Variants in NAA60 observed in about 807,000 individuals in gnomAD.
NAA60 encodes the protein N-alpha-acetyltransferase 60.
NAA60 carries 8 observed loss-of-function variants against 26.1 expected under a neutral mutation model. That is an observed-to-expected ratio of 0.31 (90% confidence interval 0.18 to 0.55). The LOEUF (loss-of-function observed/expected upper bound fraction) is 0.55, where lower values mean the gene tolerates loss of function less well. Ranked by LOEUF, NAA60 falls within the 20% of genes least tolerant of loss-of-function variation. NAA60 has a pLI of 0.93. For missense variants in NAA60, 290 were observed against 311.3 expected (o/e 0.93, Z 0.51); for synonymous variants, 131 against 122.5 (o/e 1.07, Z -0.46).
At chr16:3,468,588 G>T (rs963799270) in intron 2 of NAA60, among the ~76,000 whole-genome samples, 1 of 152,208 alleles carries the variant, frequency 6.6e-6, no homozygotes, top group Non-Finnish European at 1.5e-5. Flanking sequence ...GCACGGAGTT[G>T]GGGGAAGCAG....
intron 4 of NAA60, 123 bp downstream of exon 4, chr16:3,479,723 TC>T: frequency 8.7e-7 from 1 of 1,144,696 alleles, no homozygotes; most frequent in Non-Finnish European, 1.2e-6. Flanking sequence ...ACCCAAGGAA[TC>T]CAAGTGGCCA....
chr16:3,459,383 G>T (rs1439959034), intron 2 of NAA60, among the ~76,000 whole-genome samples: 2 of 152,182 alleles, frequency 1.3e-5, no homozygotes, highest in Non-Finnish European at 2.9e-5. Context: ...GAATTAAAAA[G>T]CATCTGGGGC....
chr16:3,456,584 C>G (rs775125268), intron 2 of NAA60: 3 of 152,178 alleles, frequency 2.0e-5, no homozygotes, highest in Non-Finnish European at 2.9e-5. Flanking sequence ...ATTGTGCTCT[C>G]TCTTGTTCAC....
At chr16:3,479,909 C>T (rs572851010) in intron 4 of NAA60, among the ~76,000 whole-genome samples, 34 of 152,294 alleles carry the variant, frequency 2.2e-4, no homozygotes, top group African/African-American at 6.7e-4. Flanking sequence ...GAAAATACCC[C>T]TGATTTGTGT....
At chr16:3,469,067 C>G (rs1279945431) in intron 2 of NAA60, among the ~76,000 whole-genome samples, 1 of 144,676 alleles carries the variant, frequency 6.9e-6, no homozygotes, top group Non-Finnish European at 1.5e-5. Context: ...GCCTGGGCAA[C>G]AGAGCCAGAC....
At chr16:3,471,776 G>T (rs929681540) in intron 2 of NAA60, among the ~76,000 whole-genome samples, 2 of 152,144 alleles carry the variant, frequency 1.3e-5, no homozygotes, top group Admixed American at 1.3e-4. Flanking sequence ...GGGCGGCTGG[G>T]CCTATGGGCT....
At chr16:3,475,728 A>T (rs901386810) in intron 2 of NAA60, among the ~76,000 whole-genome samples, 2 of 152,204 alleles carry the variant, frequency 1.3e-5, no homozygotes, top group Non-Finnish European at 2.9e-5. Flanking sequence ...CGCCCTGGTC[A>T]TAAAGCCGCA....
chr16:3,458,823 C>T (rs1025474395), intron 2 of NAA60, among the ~76,000 whole-genome samples: 1 of 152,212 alleles, frequency 6.6e-6, no homozygotes, highest in African/African-American at 2.4e-5. Flanking sequence ...CGACTTTCTT[C>T]TCCAGATTGG....
chr16:3,457,548 C>G (rs956469204), intron 2 of NAA60, among the ~76,000 whole-genome samples: 1 of 152,244 alleles, frequency 6.6e-6, no homozygotes, highest in African/African-American at 2.4e-5. Flanking sequence ...CTGCCTTTCG[C>G]CAGAATCGGA....
At chr16:3,446,866 C>A (rs370430729) in intron 1 of NAA60, among the ~76,000 whole-genome samples, 9 of 152,104 alleles carry the variant, frequency 5.9e-5, no homozygotes, top group African/African-American at 1.9e-4. Flanking sequence ...CCATGTCAGC[C>A]TCCCAAAGTG....
At chr16:3,457,459 G>C (rs1172296576) in intron 2 of NAA60, among the ~76,000 whole-genome samples, 1 of 152,164 alleles carries the variant, frequency 6.6e-6, no homozygotes, top group Non-Finnish European at 1.5e-5. Context: ...CAAAAACTTC[G>C]CGTTAGATCT....
At chr16:3,450,786 C>T (rs1276074174) in intron 2 of NAA60, among the ~76,000 whole-genome samples, 2 of 150,784 alleles carry the variant, frequency 1.3e-5, no homozygotes, top group Non-Finnish European at 2.9e-5. Context: ...GTTCCTTTGT[C>T]TCCTGGCTTT....
chr16:3,484,829 G>A lies in NAA60; in HGVS notation c.703G>A (p.Gly235Ser). The change falls in exon 7 of 8, where the codon GGC becomes AGC. Residue 235 changes from glycine to serine, a missense_variant. Coordinates refer to ENST00000407558, the MANE Select transcript of NAA60 (RefSeq NM_001083601.3). Reference sequence around the variant, plus strand: ...ATGGTCGGGCATCTCTTCCAAGAGTGGCATCGAGTACAGCCGGACCATGTG... The same window carrying A: ...ATGGTCGGGCATCTCTTCCAAGAGTAGCATCGAGTACAGCCGGACCATGTG... ...LPWSGISSKS[G>S]IEYSRTM is the part of the protein sequence containing the mutation. 1 of 1,568,682 alleles carries A rather than the reference G, an allele frequency of 6.4e-7. No individual in the cohort carries two copies. The highest frequency in any genetic ancestry group is 8.6e-7 in the Non-Finnish European group (1 of 1,157,738).
intron 2 of NAA60, among the ~76,000 whole-genome samples, chr16:3,452,795 A>G (rs1314746325): frequency 6.6e-6 from 1 of 151,456 alleles, no homozygotes; most frequent in Non-Finnish European, 1.5e-5. Flanking sequence ...TCTCTACAAA[A>G]AAATGAAAAA....
chr16:3,476,724 C>G (rs551270288), intron 3 of NAA60, among the ~76,000 whole-genome samples: 8 of 152,206 alleles, frequency 5.3e-5, no homozygotes, highest in South Asian at 4.1e-4. Context: ...AAAAAAAAAC[C>G]TGTCAAAGAG....
intron 1 of NAA60, among the ~76,000 whole-genome samples, chr16:3,445,771 CAG>C (rs2034526995): frequency 6.6e-6 from 1 of 151,946 alleles, no homozygotes; most frequent in Admixed American, 6.6e-5. Flanking sequence ...AGTGGATTAC[CAG>C]AGAGAGAGGG....
intron 2 of NAA60, among the ~76,000 whole-genome samples, chr16:3,475,631 C>T (rs552783822): frequency 6.6e-6 from 1 of 152,290 alleles, no homozygotes; most frequent in East Asian, 1.9e-4. Context: ...TGTGGTGTCC[C>T]CCAAAGTCTC....
At chr16:3,466,935 G>A (rs896432079) in intron 2 of NAA60, among the ~76,000 whole-genome samples, 4 of 152,188 alleles carry the variant, frequency 2.6e-5, no homozygotes, top group Admixed American at 6.5e-5. Flanking sequence ...GAGTAAAGCA[G>A]AAAGGTGGCA....
Position 3,445,697 on chromosome 16 carries a change from C to T in NAA60, c.-77+1860C>T, listed in dbSNP as rs539468284. 3.3e-4 allele frequency among the ~76,000 whole-genome samples: 50 copies of T among 151,996 alleles called. 3 individuals are homozygous for T. In the South Asian group the frequency reaches 0.01, roughly 30 times the overall value. On this transcript the variant is annotated intron_variant, in intron 1 of 7. Coordinates refer to ENST00000407558, the MANE Select transcript of NAA60 (RefSeq NM_001083601.3). The stretch of plus-strand genomic sequence containing the variant: ...TGGCTCTCTTCTTTAAATCCTGTTG[C>T]CATAATTACAAAGAAATAAACACAG...
Sources: allele counts gnomAD v4.1 joint callset (sites outside exome capture counted in the v4.1 genomes callset), GRCh38; gene constraint gnomAD v4.1.1; transcripts MANE v1.5; gene names NCBI Gene and HGNC (gene_info 2026-07-23, HGNC 2026-07-21).